The following PREX1 variants were observed in gnomAD, a reference collection of about 807,000 sequenced individuals.
PREX1 encodes phosphatidylinositol-3,4,5-trisphosphate dependent Rac exchange factor 1.
Under a neutral mutation model 198.3 loss-of-function variants are expected in PREX1, and 41 were observed. The ratio of observed to expected loss-of-function variants is 0.21; its 90% CI spans 0.16 to 0.27. PREX1 has a LOEUF of 0.27. Ranked by LOEUF, PREX1 falls within the 10% of genes least tolerant of loss-of-function variation. The pLI is 1.00. For synonymous variants in PREX1, 843 were observed against 887.2 expected (o/e 0.95, Z 0.89); for missense variants, 1,620 against 2,200.7 (o/e 0.74, Z 5.28).
chr20:48,879,604 C>A, the PREX1 span, among the ~76,000 whole-genome samples: 1 of 152,188 alleles, frequency 6.6e-6, no homozygotes, highest in Admixed American at 6.5e-5. Flanking sequence ...TTTAATATCA[C>A]CTCTGGGTAC....
chr20:48,634,588 C>T (rs2089346550), intron 33 of PREX1, 88 bp downstream of exon 33: 4 of 1,357,678 alleles, frequency 2.9e-6, no homozygotes, highest in Non-Finnish European at 4.1e-6. Context: ...GGCCCAGAGG[C>T]AGGGGAAGGA....
chr20:48,675,100 CT>C (rs1321614097), intron 14 of PREX1, among the ~76,000 whole-genome samples: 1 of 152,220 alleles, frequency 6.6e-6, no homozygotes, highest in East Asian at 1.9e-4. Flanking sequence ...TTCCAAAATT[CT>C]TGTTGAAATG....
chr20:48,660,300 T>C (rs1253142969), intron 15 of PREX1, among the ~76,000 whole-genome samples: 2 of 152,210 alleles, frequency 1.3e-5, no homozygotes, highest in African/African-American at 2.4e-5. Flanking sequence ...TAAAAAGACA[T>C]TAATATTTTA....
intron 1 of PREX1, among the ~76,000 whole-genome samples, chr20:48,771,091 C>T (rs3092222): frequency 0.072 from 10,986 of 151,978 alleles, 501 homozygotes; most frequent in South Asian, 0.19. Context: ...TCTGACAGTG[C>T]CCACTGTCAA....
At chr20:48,859,732 T>C in the PREX1 span, among the ~76,000 whole-genome samples, 8 of 152,202 alleles carry the variant, frequency 5.3e-5, no homozygotes, top group East Asian at 1.5e-3. Flanking sequence ...GAAAGCAAGG[T>C]CTTGACCGGG....
At chr20:48,665,473 T>C (rs2089632309) in intron 15 of PREX1, among the ~76,000 whole-genome samples, 1 of 149,954 alleles carries the variant, frequency 6.7e-6, no homozygotes, top group African/African-American at 2.4e-5. Flanking sequence ...ATGGCCTGAA[T>C]TCTAATCCCG....
chr20:48,857,987 C>T, the PREX1 span, among the ~76,000 whole-genome samples: 1 of 152,204 alleles, frequency 6.6e-6, no homozygotes, highest in Non-Finnish European at 1.5e-5. Flanking sequence ...AAAGGAAAGT[C>T]CAGTGGGGCT....
rs2089642347 is a variant in PREX1, at chr20:48,666,581, A to G, written c.1666-226T>C. On this transcript the variant is annotated intron_variant, in intron 14 of 39. Coordinates refer to ENST00000371941, the MANE Select transcript of PREX1 (RefSeq NM_020820.4). The surrounding 1 kb of genome is among the most constrained non-coding windows in gnomAD (Gnocchi z 4.3). ...CACTCTATCGCCCAGGCTGGAGTGC[A>G]GTGGCACGATCTCGGCTTACTGCAA... 6.6e-6 allele frequency among the ~76,000 whole-genome samples: 1 copy of G among 152,302 alleles called. No homozygotes were observed. The highest frequency in any genetic ancestry group is 6.5e-5 in the Admixed American group (1 of 15,294).
chr20:48,730,548 A>G (rs1310168575), intron 4 of PREX1, among the ~76,000 whole-genome samples: 1 of 152,064 alleles, frequency 6.6e-6, no homozygotes, highest in Non-Finnish European at 1.5e-5. Flanking sequence ...TCTGGGGGCC[A>G]TGACTGGGAA....
the PREX1 span, among the ~76,000 whole-genome samples, chr20:48,862,594 A>G: frequency 2.6e-5 from 4 of 151,968 alleles, no homozygotes; most frequent in Non-Finnish European, 5.9e-5. Context: ...CCAGGCTTCA[A>G]TCTCTAAGTT....
At chr20:48,647,460 G>A (rs1484859193) in intron 25 of PREX1, among the ~76,000 whole-genome samples, 2 of 147,568 alleles carry the variant, frequency 1.4e-5, no homozygotes, top group Non-Finnish European at 3.0e-5. Flanking sequence ...GGCGGAGGTT[G>A]CAGTGAGCAG....
At position 48,629,492 on chromosome 20, in the gene PREX1, G is replaced by A. The variant is rs555412253; in HGVS notation, c.4723C>T (p.Leu1575=). The A allele has an allele frequency of 1.5e-4, 238 of 1,614,032 alleles. 2 individuals carry two copies. The East Asian group carries it at 5.0e-3, about 34-fold the overall frequency. Residue 1575 remains leucine, a synonymous_variant, in exon 37 of 40, where the codon CTG becomes TTG. Coordinates refer to ENST00000371941, the MANE Select transcript of PREX1 (RefSeq NM_020820.4). ...CACATGACCATCTGGCAGGCCCCCA[G>A]GCGGTAGCAGAGCTCCGAGGAGATG... ...IPISSELCYR[L]GACQMVMCGT... is the part of the protein sequence containing the mutation.
chr20:48,753,198 A>G (rs1298246629), intron 1 of PREX1, among the ~76,000 whole-genome samples: 1 of 152,118 alleles, frequency 6.6e-6, no homozygotes, highest in African/African-American at 2.4e-5. Flanking sequence ...TGTGGCAGGG[A>G]GAGGGTTAGA....
chr20:48,636,203 G>C (rs145004607), intron 32 of PREX1, among the ~76,000 whole-genome samples: 1 of 152,218 alleles, frequency 6.6e-6, no homozygotes, highest in African/African-American at 2.4e-5. Flanking sequence ...CTGGTCTGTA[G>C]CATGGATTCT....
intron 1 of PREX1, among the ~76,000 whole-genome samples, chr20:48,785,337 C>T (rs959240915): frequency 6.6e-5 from 10 of 152,266 alleles, no homozygotes; most frequent in Non-Finnish European, 1.5e-5. Context: ...GGCTGCCCCG[C>T]TCCCACACCT....
intron 29 of PREX1, 57 bp from the exon 30 acceptor site, chr20:48,639,951 C>T (rs563995228): frequency 3.7e-5 from 59 of 1,580,660 alleles, no homozygotes; most frequent in Admixed American, 2.5e-4. Flanking sequence ...TGTTGGAGAA[C>T]GGTGGCACAA....
the PREX1 span, among the ~76,000 whole-genome samples, chr20:48,843,431 G>A: frequency 6.6e-6 from 1 of 152,166 alleles, no homozygotes; most frequent in Non-Finnish European, 1.5e-5. Flanking sequence ...AGGTTAACTG[G>A]AGCCCCAGTA....
At chr20:48,818,578 C>T (rs1020766536) in intron 1 of PREX1, among the ~76,000 whole-genome samples, 1 of 152,242 alleles carries the variant, frequency 6.6e-6, no homozygotes, top group African/African-American at 2.4e-5. Flanking sequence ...TTCCCGGCTG[C>T]GCGTCCTCAG....
At chr20:48,816,476 C>A (rs2090459710) in intron 1 of PREX1, among the ~76,000 whole-genome samples, 1 of 152,112 alleles carries the variant, frequency 6.6e-6, no homozygotes. Flanking sequence ...ACTGAGTGAG[C>A]CTGACCTAAT....
Sources: gnomAD v4.1 joint callset for allele counts (sites outside exome capture counted in the v4.1 genomes callset) on GRCh38, gnomAD v4.1.1 for gene constraint, Gnocchi (gnomAD v3.1) non-coding constraint, MANE v1.5 for transcripts, NCBI Gene and HGNC (gene_info 2026-07-23, HGNC 2026-07-21) for gene names.